The following DMD variants were observed in gnomAD, a reference collection of about 807,000 sequenced individuals.
DMD encodes mutant dystrophin.
A neutral mutation model predicts 330.1 loss-of-function variants in DMD; 63 were observed. The observed-to-expected ratio is 0.19, with a 90% CI of 0.16 to 0.24. DMD has a LOEUF of 0.24. Among genes scored for constraint, DMD ranks in the 10% least tolerant of loss-of-function variants. The probability of loss-of-function intolerance (pLI) is 1.00; values close to 1 mark genes in which losing one functional copy is unlikely to be tolerated. For synonymous variants in DMD, 1,223 were observed against 959.8 expected, an observed-to-expected ratio of 1.27 and a Z score of -5.07; for missense variants, 3,344 against 2,684.1, an observed-to-expected ratio of 1.25 and a Z score of -5.43.
chrX:31,370,496 C>T (rs1245391513), intron 60 of DMD, among the ~76,000 whole-genome samples: 3 of 112,301 alleles, frequency 2.7e-5, no homozygotes, highest in Non-Finnish European at 5.6e-5. Context: ...GATATTCCTA[C>T]ACACATATCA....
At chrX:32,787,350 T>C (rs1255713403) in intron 7 of DMD, among the ~76,000 whole-genome samples, 4 of 109,051 alleles carry the variant, frequency 3.7e-5, no homozygotes, top group Non-Finnish European at 7.6e-5. Context: ...ACTCTGGAGC[T>C]CAAGGATATC....
intron 45 of DMD, among the ~76,000 whole-genome samples, chrX:31,946,644 C>A (rs2095091068): frequency 1.8e-5 from 2 of 111,371 alleles, no homozygotes; most frequent in Non-Finnish European, 3.8e-5. Context: ...TCAAGGATTT[C>A]TTTTTTAAAC....
intron 17 of DMD, among the ~76,000 whole-genome samples, chrX:32,530,662 T>C (rs1486595415): frequency 1.8e-5 from 2 of 111,700 alleles, no homozygotes; most frequent in Non-Finnish European, 3.8e-5. Flanking sequence ...AGCCAAGGAG[T>C]GTGAAAACAC....
intron 6 of DMD, among the ~76,000 whole-genome samples, chrX:32,811,060 C>A (rs1298615693): frequency 9.1e-6 from 1 of 110,036 alleles, no homozygotes; most frequent in Non-Finnish European, 1.9e-5. Context: ...TGGCCAGGCA[C>A]CTTGGCTCAC....
chrX:33,096,199 C>A (rs1449062450), intron 1 of DMD, among the ~76,000 whole-genome samples: 1 of 110,370 alleles, frequency 9.1e-6, no homozygotes, highest in Admixed American at 9.7e-5. Context: ...TGGTCTCGAT[C>A]TCCTGACCTC....
chrX:31,889,768 T>C (rs113321620), intron 47 of DMD, among the ~76,000 whole-genome samples: 1 of 108,724 alleles, frequency 9.2e-6, no homozygotes, highest in African/African-American at 3.4e-5. Context: ...AAACAAAGGC[T>C]CTACAAAGTA....
chrX:32,444,031 A>C (rs1273178743), intron 27 of DMD, among the ~76,000 whole-genome samples: 1 of 110,636 alleles, frequency 9.0e-6, no homozygotes, highest in Non-Finnish European at 1.9e-5. Context: ...AAAGTGGAAA[A>C]TCAAGCTTAT....
chrX:32,767,561 G>A (rs1238609696), intron 7 of DMD, among the ~76,000 whole-genome samples: 1 of 111,459 alleles, frequency 9.0e-6, no homozygotes. Context: ...TTTAGAGGCA[G>A]TCTGAAGTCT....
intron 51 of DMD, among the ~76,000 whole-genome samples, chrX:31,758,934 A>G (rs1334690646): frequency 2.7e-5 from 3 of 112,144 alleles, no homozygotes; most frequent in African/African-American, 9.7e-5. Context: ...GAGATTTATT[A>G]TTTACTAAGA....
rs919814432 is a variant in DMD at position 33,323,920 on chromosome X, G to A, written c.7+15339C>T. ...TCCATTTTTTCAGAAGAGAATAAAA[G>A]GCCCAGAATGGTAATGACTGTTACC... On this transcript the variant is annotated intron_variant, in intron 1 of 17. Transcript: ENST00000288447. Among the ~76,000 whole-genome samples, 4 of 110,873 alleles carry A rather than the reference G, an allele frequency of 3.6e-5. No individual in the cohort carries two copies. In the Admixed American group the frequency reaches 3.9e-4, roughly 11 times the overall value.
intron 29 of DMD, among the ~76,000 whole-genome samples, chrX:32,436,903 C>T (rs1482046416): frequency 3.7e-5 from 4 of 109,083 alleles, no homozygotes; most frequent in Admixed American, 2.0e-4. Flanking sequence ...CAGTGAGCCA[C>T]GATCATGCCA....
intron 7 of DMD, among the ~76,000 whole-genome samples, chrX:32,782,199 A>T (rs183968031): frequency 8.9e-6 from 1 of 111,976 alleles, no homozygotes; most frequent in Non-Finnish European, 1.9e-5. Flanking sequence ...TTCTTTTCTC[A>T]TATATGTATT....
intron 62 of DMD, among the ~76,000 whole-genome samples, chrX:31,291,781 T>C (rs2053716225): frequency 9.0e-6 from 1 of 111,022 alleles, no homozygotes; most frequent in African/African-American, 3.3e-5. Context: ...ATAATCCACA[T>C]ACCAAACCTT....
intron 1 of DMD, among the ~76,000 whole-genome samples, chrX:33,250,209 A>G (rs1846073611): frequency 9.5e-6 from 1 of 104,720 alleles, no homozygotes; most frequent in African/African-American, 3.6e-5. Flanking sequence ...GTGGAAGACA[A>G]TTATTCCACA....
At chrX:31,835,723 C>T (rs918409502) in intron 49 of DMD, among the ~76,000 whole-genome samples, 4 of 111,395 alleles carry the variant, frequency 3.6e-5, no homozygotes, top group East Asian at 2.8e-4. Flanking sequence ...TTGGGCCAAG[C>T]GCAAGGGAAA....
chrX:32,862,040 T>C (rs981327116), intron 2 of DMD, among the ~76,000 whole-genome samples: 3 of 111,832 alleles, frequency 2.7e-5, no homozygotes, highest in Non-Finnish European at 5.6e-5. Context: ...GATATCAAAA[T>C]ACTGGAATGT....
chrX:32,445,236 T>C (rs2098298407), intron 27 of DMD, among the ~76,000 whole-genome samples: 1 of 110,649 alleles, frequency 9.0e-6, no homozygotes, highest in African/African-American at 3.3e-5. Flanking sequence ...ATCAAGTCTA[T>C]AGAGAACGAG....
chrX:32,697,220 T>A (rs1027210418), intron 9 of DMD, among the ~76,000 whole-genome samples: 1 of 111,732 alleles, frequency 8.9e-6, no homozygotes, highest in Non-Finnish European at 1.9e-5. Context: ...TTGGGTTCCA[T>A]ACAATATTGA....
At chrX:33,019,649 G>A (rs1268453058) in intron 2 of DMD, among the ~76,000 whole-genome samples, 2 of 111,538 alleles carry the variant, frequency 1.8e-5, no homozygotes, top group South Asian at 3.8e-4. Context: ...AGTATGGATT[G>A]AAGCCTGCAC....
Sources: allele counts gnomAD v4.1 joint callset (sites outside exome capture counted in the v4.1 genomes callset), GRCh38; gene constraint gnomAD v4.1.1; transcripts MANE v1.5; gene names NCBI Gene and HGNC (gene_info 2026-07-23, HGNC 2026-07-21).